The following RNF8 variants were observed in gnomAD, a reference collection of about 807,000 sequenced individuals.
The protein encoded by RNF8 is ring finger protein 8, also known as E3 ubiquitin-protein ligase RNF8.
A neutral mutation model predicts 59.3 loss-of-function variants in RNF8; 8 were observed. The ratio of observed to expected loss-of-function variants is 0.13; its 90% CI spans 0.08 to 0.24. RNF8 has a LOEUF of 0.24. Ranked by LOEUF, RNF8 falls within the 10% of genes least tolerant of loss-of-function variation. RNF8 has a pLI of 1.00. For synonymous variants in RNF8, 162 were observed against 200.0 expected, an observed-to-expected ratio of 0.81 and a Z score of 1.60; for missense variants, 406 against 572.6, an observed-to-expected ratio of 0.71 and a Z score of 2.97.
At chr6:37,387,437 G>A (rs139449829) in intron 7 of RNF8, among the ~76,000 whole-genome samples, 140 of 152,262 alleles carry the variant, frequency 9.2e-4, no homozygotes, top group African/African-American at 3.2e-3. Flanking sequence ...CGCCTCCTGG[G>A]CTCAAGCATC....
At position 37,354,006 on chromosome 6, in the gene RNF8, A is replaced by T; in HGVS notation, c.-159A>T. ...GCGTAGTGCTCCTGCTTCCTGGCCG[A>T]GGGCGGGCGAGCGGAGCCTGCTTTC... On this transcript the variant is annotated 5_prime_UTR_variant, in exon 1 of 8. Coordinates refer to ENST00000373479, the MANE Select transcript of RNF8 (RefSeq NM_003958.4). 1 of 675,834 alleles carries T rather than the reference A, an allele frequency of 1.5e-6. No individual in the cohort carries two copies. Among genetic ancestry groups the T allele is most frequent in the Non-Finnish European group, 2.6e-6 (1 of 390,822 alleles). The allele number at this position is 675,834 out of a possible 1,614,324, so 41.9% of individuals were successfully genotyped here. A position where few individuals can be genotyped will look rare whatever the true frequency, so the allele number is the denominator to read the frequency against.
At chr6:37,387,157 G>A (rs1431334921) in intron 7 of RNF8, among the ~76,000 whole-genome samples, 1 of 152,112 alleles carries the variant, frequency 6.6e-6, no homozygotes, top group African/African-American at 2.4e-5. Context: ...CTTATCAGCT[G>A]GATATATATT....
intron 6 of RNF8, among the ~76,000 whole-genome samples, chr6:37,378,724 T>A (rs933393138): frequency 6.6e-6 from 1 of 152,222 alleles, no homozygotes; most frequent in African/African-American, 2.4e-5. Context: ...CTGTTTCTTT[T>A]CCTCTGGGTC....
Position 37,381,180 on chromosome 6 carries a change from T to G in RNF8, c.1267T>G (p.Cys423Gly). 1.2e-6 allele frequency: 2 copies of G among 1,614,230 alleles called. No homozygotes were observed. Residue 423 changes from cysteine to glycine, a missense_variant, in exon 7 of 8, where the codon TGC becomes GGC. Transcript: ENST00000373479. Reference sequence around the variant, plus strand: ...CACCTTGAACTGTGCCCACAGTTTCTGCTCCTACTGTATCAATGAATGGAT... The same window carrying G: ...CACCTTGAACTGTGCCCACAGTTTCGGCTCCTACTGTATCAATGAATGGAT... Reference protein sequence around the residue: ...AVTLNCAHSFCSYCINEWMKR... With the variant: ...AVTLNCAHSFGSYCINEWMKR...
At chr6:37,390,127 G>A (rs1770666091) in intron 7 of RNF8, among the ~76,000 whole-genome samples, 2 of 152,186 alleles carry the variant, frequency 1.3e-5, no homozygotes, top group Non-Finnish European at 2.9e-5. Flanking sequence ...GCCTATTCCT[G>A]TATATAATTC....
intron 2 of RNF8, among the ~76,000 whole-genome samples, chr6:37,365,908 C>T (rs79804348): frequency 6.6e-6 from 1 of 152,122 alleles, no homozygotes; most frequent in African/African-American, 2.4e-5. Context: ...TATGAACAGA[C>T]CTGACTCAGG....
intron 3 of RNF8, among the ~76,000 whole-genome samples, chr6:37,369,621 C>T (rs1769715433): frequency 6.6e-6 from 1 of 152,242 alleles, no homozygotes; most frequent in Admixed American, 6.5e-5. Flanking sequence ...TGTATCTTTG[C>T]TCTGTGGCCA....
At chr6:37,381,437 GAGTC>G in intron 7 of RNF8, 83 bp downstream of exon 7, 2 of 1,262,246 alleles carry the variant, frequency 1.6e-6, no homozygotes, top group Non-Finnish European at 2.3e-6. Context: ...GAAAGAGAAA[GAGTC>G]AGATAAACAA....
intron 4 of RNF8, among the ~76,000 whole-genome samples, chr6:37,373,936 T>A (rs1210442229): frequency 6.6e-6 from 1 of 152,226 alleles, no homozygotes; most frequent in African/African-American, 2.4e-5. Flanking sequence ...TACTTAAGCA[T>A]GAGAGAACTC....
intron 2 of RNF8, among the ~76,000 whole-genome samples, chr6:37,361,874 T>A (rs1769338151): frequency 6.6e-6 from 1 of 152,234 alleles, no homozygotes; most frequent in Non-Finnish European, 1.5e-5. Flanking sequence ...GCACTGAGAT[T>A]ATCTACTTTA....
intron 7 of RNF8, among the ~76,000 whole-genome samples, chr6:37,385,566 G>T (rs1770461036): frequency 6.6e-6 from 1 of 152,010 alleles, no homozygotes; most frequent in African/African-American, 2.4e-5. Context: ...GGCTGAGGTT[G>T]CAGTGAGCCG....
Position 37,391,332 on chromosome 6 carries a change from A to G in RNF8, c.*574A>G, listed in dbSNP as rs1770721356. 1 of 156,380 alleles carries G rather than the reference A, an allele frequency of 6.4e-6. No individual in the cohort carries two copies. Among genetic ancestry groups the G allele is most frequent in the Admixed American group, 6.2e-5 (1 of 16,020 alleles). 9.7% of individuals were successfully genotyped at this position (156,380 alleles called of 1,614,324 possible). A position where few individuals can be genotyped will look rare whatever the true frequency, so the allele number is the denominator to read the frequency against. Reference sequence around the variant, plus strand: ...CAGCAGCTCATAGATTACAACCAAGAAAGTGACTGTATCAGATGATAGACT... The same window carrying G: ...CAGCAGCTCATAGATTACAACCAAGGAAGTGACTGTATCAGATGATAGACT... On this transcript the variant is annotated 3_prime_UTR_variant, in exon 8 of 8. Transcript: ENST00000373479.
intron 4 of RNF8, among the ~76,000 whole-genome samples, 180 bp from the exon 5 acceptor site, chr6:37,374,440 A>T (rs567000454): frequency 6.6e-6 from 1 of 152,168 alleles, no homozygotes; most frequent in Non-Finnish European, 1.5e-5. Flanking sequence ...CTCTCCCCTG[A>T]AAAAAGCAGC....
chr6:37,357,195 A>G (rs1038506995), intron 1 of RNF8, among the ~76,000 whole-genome samples: 2 of 152,214 alleles, frequency 1.3e-5, no homozygotes, highest in Non-Finnish European at 1.5e-5. Flanking sequence ...AACCCCTCAC[A>G]TATGGGTCGT....
chr6:37,390,884 C>T lies in RNF8; in HGVS notation c.*126C>T, dbSNP rs1770707024. 2.6e-6 allele frequency: 4 copies of T among 1,548,462 alleles called. No homozygotes were observed. The highest frequency in any genetic ancestry group is 1.8e-4 in the Middle Eastern group (1 of 5,590). Reference sequence around the variant, plus strand: ...ACTGAGAAGTCTTGTGGGACAGAGACTTGAGTTAGGAAGCCCTCAGTCACT... The same window carrying T: ...ACTGAGAAGTCTTGTGGGACAGAGATTTGAGTTAGGAAGCCCTCAGTCACT... On this transcript the variant is annotated 3_prime_UTR_variant, in exon 8 of 8. Transcript: ENST00000373479.
chr6:37,364,047 C>T (rs557826954), intron 2 of RNF8, among the ~76,000 whole-genome samples: 35 of 151,958 alleles, frequency 2.3e-4, no homozygotes, highest in African/African-American at 7.7e-4. Flanking sequence ...GGCGTGGTGG[C>T]GGGTGCCTGT....
chr6:37,387,034 G>A (rs1024681103), intron 7 of RNF8, among the ~76,000 whole-genome samples: 1 of 152,086 alleles, frequency 6.6e-6, no homozygotes, highest in Admixed American at 6.6e-5. Flanking sequence ...ATTAACCAAA[G>A]CAGCTTTTCT....
Position 37,371,542 on chromosome 6 carries a change from C to A in RNF8, c.1006C>A (p.Leu336Met). 1 of 1,614,032 alleles carries A rather than the reference C, an allele frequency of 6.2e-7. No individual in the cohort carries two copies. Among genetic ancestry groups the A allele is most frequent in the East Asian group, 2.2e-5 (1 of 44,886 alleles). Residue 336 changes from leucine to methionine, a missense_variant, in exon 4 of 8, where the codon CTG (leucine) becomes ATG (methionine). Around this residue, in one of 3 missense-constraint regions of RNF8, gnomAD observed 285 missense variants for 342.0 expected, o/e 0.83. Transcript: ENST00000373479. The stretch of plus-strand genomic sequence containing the variant: ...GGAGATAGCCCAAGGAGAAAAGGAC[C>A]TGAAGCAACAGCTGGCCCAGGCTCT... ...GLEIAQGEKDLKQQLAQALQE... is the reference protein window; with the variant it reads ...GLEIAQGEKDMKQQLAQALQE...
chr6:37,377,623 C>T (rs990882213), intron 6 of RNF8, among the ~76,000 whole-genome samples: 2 of 152,128 alleles, frequency 1.3e-5, no homozygotes, highest in African/African-American at 4.8e-5. Flanking sequence ...GCAATGAAGC[C>T]TTTATCTCTT....
Sources: gnomAD v4.1 joint callset for allele counts (sites outside exome capture counted in the v4.1 genomes callset) on GRCh38, gnomAD v4.1.1 for gene constraint, gnomAD v4.1.1 regional missense constraint, MANE v1.5 for transcripts, NCBI Gene and HGNC (gene_info 2026-07-23, HGNC 2026-07-21) for gene names.